PCDHGA8: variants seen among roughly 807,000 people sequenced by gnomAD.
PCDHGA8 encodes the protein protocadherin gamma-A8.
A neutral mutation model predicts 59.2 loss-of-function variants in PCDHGA8; 45 were observed. The ratio of observed to expected loss-of-function variants is 0.76; its 90% CI spans 0.60 to 0.98. The LOEUF is 0.98. Among genes scored for constraint, PCDHGA8 ranks in the 50% least tolerant of loss-of-function variants. PCDHGA8 has a pLI of 0.00. For missense variants in PCDHGA8, 1,257 were observed against 1,196.2 expected (o/e 1.05, Z -0.75); for synonymous variants, 531 against 519.0 (o/e 1.02, Z -0.32).
chr5:141,405,090 C>A, intron 1 of PCDHGA8: 1 of 1,613,950 alleles, frequency 6.2e-7, no homozygotes, highest in Non-Finnish European at 8.5e-7. Flanking sequence ...ACGCTGCTGG[C>A]CCTCAGGCTG....
Position 141,393,283 on chromosome 5 carries a change from C to T in PCDHGA8, c.470C>T (p.Ala157Val), listed in dbSNP as rs2150516449. 1 of 1,613,988 alleles carries T rather than the reference C, an allele frequency of 6.2e-7. No individual in the cohort carries two copies. The highest frequency in any genetic ancestry group is 1.6e-4 in the Middle Eastern group (1 of 6,062). ...GGAGCACGTTATCCACTCCCAGAAGCTGTTGACCCGGATGTGGGCGTGAAC... is the reference window on the plus strand; with the variant it reads ...GGAGCACGTTATCCACTCCCAGAAGTTGTTGACCCGGATGTGGGCGTGAAC... ...VPGARYPLPE[A>V]VDPDVGVNSL... is the part of the protein sequence containing the mutation. The change falls in exon 1 of 4, where the codon GCT (alanine) becomes GTT (valine). Residue 157 changes from alanine to valine, a missense_variant. Physicochemically the swap from Ala to Val is moderately conservative, Grantham distance 64 (BLOSUM62 0). Transcript: ENST00000398604.
intron 1 of PCDHGA8, chr5:141,475,820 C>G (rs890721743): frequency 1.1e-5 from 4 of 351,810 alleles, no homozygotes; most frequent in Non-Finnish European, 1.5e-5. Context: ...AAGTTCCTGG[C>G]GCTAGCGCGT....
intron 1 of PCDHGA8, chr5:141,423,625 A>G (rs375112361): frequency 1.6e-5 from 25 of 1,606,754 alleles, no homozygotes; most frequent in Admixed American, 6.8e-5. Flanking sequence ...AGACTCAGCT[A>G]TCATTTTAGG....
rs575250872 is a variant in PCDHGA8, at chr5:141,490,163, T to C, written c.2425-4644T>C. ...GGGGCAATCCATGTGTTGGGTCCCA[T>C]AGACTTTGAGGAGTCACGTTTCTAT... On this transcript the variant is annotated intron_variant, in intron 1 of 3. Transcript: ENST00000398604. This position sits in a 1 kb window ranked among gnomAD's most constrained non-coding sequence, Gnocchi z 5.4. 2 of 1,614,234 alleles carry C rather than the reference T, an allele frequency of 1.2e-6. No homozygotes were observed. The highest frequency in any genetic ancestry group is 2.2e-5 in the East Asian group (1 of 44,886).
intron 1 of PCDHGA8, among the ~76,000 whole-genome samples, chr5:141,482,410 T>G (rs1054330181): frequency 2.3e-4 from 35 of 151,890 alleles, no homozygotes; most frequent in Non-Finnish European, 1.0e-4. Flanking sequence ...AATAACTATT[T>G]GTTGAACTAA....
At chr5:141,457,933 TATTGGC>T (rs2098933012) in intron 1 of PCDHGA8, among the ~76,000 whole-genome samples, 2 of 152,206 alleles carry the variant, frequency 1.3e-5, no homozygotes, top group Non-Finnish European at 2.9e-5. Context: ...AAGGGGCTTT[TATTGGC>T]TCTGCATGTC....
In PCDHGA8 at chr5:141,428,146, C is replaced by G. The variant is rs549173211; in HGVS notation, c.2424+32909C>G. The G allele has an allele frequency of 1.3e-5, 21 of 1,589,348 alleles. No individual in the cohort carries two copies. The East Asian group carries it at 4.0e-4, about 30-fold the overall frequency. Reference sequence around the variant, plus strand: ...GGGCTTTTCAGCCTGGGGCTGCACACGGGAACCTGCTGGTTGCTGTGCGTG... The same window carrying G: ...GGGCTTTTCAGCCTGGGGCTGCACAGGGGAACCTGCTGGTTGCTGTGCGTG... On this transcript the variant is annotated intron_variant, in intron 1 of 3. Transcript: ENST00000398604.
intron 1 of PCDHGA8, chr5:141,421,975 G>T: frequency 6.2e-7 from 1 of 1,610,052 alleles, no homozygotes; most frequent in African/African-American, 1.3e-5. Context: ...CGTATATCGC[G>T]TGAGTGTTCC....
intron 1 of PCDHGA8, chr5:141,440,921 G>C (rs1213425379): frequency 6.6e-6 from 1 of 152,260 alleles, no homozygotes; most frequent in Non-Finnish European, 1.5e-5. Context: ...TGTGCTGAGA[G>C]TGAGGGCCAC....
At position 141,392,676 on chromosome 5, in the gene PCDHGA8, C is replaced by T; in HGVS notation, c.-138C>T. The stretch of plus-strand genomic sequence containing the variant: ...CAGATGCCACAAACTAACTGCTGGA[C>T]TGCAGCGAAACCCGACCCCTGTTTG... On this transcript the variant is annotated 5_prime_UTR_variant, in exon 1 of 4. Coordinates refer to ENST00000398604, the MANE Select transcript of PCDHGA8 (RefSeq NM_032088.2). 1 of 917,280 alleles carries T rather than the reference C, an allele frequency of 1.1e-6. No homozygotes were observed. Among genetic ancestry groups the T allele is most frequent in the East Asian group, 2.7e-5 (1 of 36,582 alleles). 56.8% of individuals were successfully genotyped at this position (917,280 alleles called of 1,614,324 possible).
chr5:141,449,588 CAA>C (rs768743917), intron 1 of PCDHGA8, among the ~76,000 whole-genome samples: 5 of 57,502 alleles, frequency 8.7e-5, no homozygotes, highest in Admixed American at 1.8e-4. Flanking sequence ...GACTCTGTCT[CAA>C]AAAAAAAAAA....
At position 141,427,625 on chromosome 5, in the gene PCDHGA8, T is replaced by G. The variant is rs150347956; in HGVS notation, c.2424+32388T>G. On this transcript the variant is annotated intron_variant, in intron 1 of 3. Coordinates refer to ENST00000398604, the MANE Select transcript of PCDHGA8 (RefSeq NM_032088.2). Reference sequence around the variant, plus strand: ...GCATTGGTGAAGTCAACGACAATGCTCCGGTTTTCCACCAAGTCTCCTACG... The same window carrying G: ...GCATTGGTGAAGTCAACGACAATGCGCCGGTTTTCCACCAAGTCTCCTACG... The G allele has an allele frequency of 2.7e-3, 1,907 of 699,068 alleles. 5 individuals are homozygous for G. The highest frequency in any genetic ancestry group is 4.1e-3 in the Non-Finnish European group (1,558 of 384,098). The allele number at this position is 699,068 out of a possible 1,614,324, so 43.3% of individuals were successfully genotyped here.
At chr5:141,417,955 G>C in intron 1 of PCDHGA8, 2 of 1,613,634 alleles carry the variant, frequency 1.2e-6, no homozygotes, top group Middle Eastern at 1.7e-4. Flanking sequence ...TGTGTGAGCC[G>C]ATCCGCTACT....
chr5:141,418,085 A>C lies in PCDHGA8; in HGVS notation c.2424+22848A>C, dbSNP rs1235378254. On this transcript the variant is annotated intron_variant, in intron 1 of 3. Transcript: ENST00000398604. The stretch of plus-strand genomic sequence containing the variant: ...AGTGAGCGCGGAGAAGCTGCACTTC[A>C]GCGTAGACGCGCAGAGCGGGGACTT... The C allele has an allele frequency of 2.5e-6, 4 of 1,613,936 alleles. No homozygotes were observed. The highest frequency in any genetic ancestry group is 3.4e-6 in the Non-Finnish European group (4 of 1,179,908).
intron 1 of PCDHGA8, chr5:141,478,131 A>G (rs747801474): frequency 6.2e-7 from 1 of 1,614,064 alleles, no homozygotes; most frequent in Non-Finnish European, 8.5e-7. Flanking sequence ...GACTCTCCTG[A>G]AGCCCGAGCC....
intron 1 of PCDHGA8, chr5:141,430,857 A>C (rs748992376): frequency 1.9e-6 from 3 of 1,591,316 alleles, no homozygotes; most frequent in Non-Finnish European, 2.6e-6. Flanking sequence ...CAGATACGCT[A>C]TTCAGTTCCG....
intron 1 of PCDHGA8, among the ~76,000 whole-genome samples, chr5:141,401,455 A>G (rs1589438348): frequency 6.6e-6 from 1 of 152,256 alleles, no homozygotes; most frequent in East Asian, 1.9e-4. Flanking sequence ...AATCATCCAA[A>G]TAATTTTCTA....
intron 1 of PCDHGA8, chr5:141,442,062 G>A (rs1001398926): frequency 7.0e-5 from 13 of 185,900 alleles, no homozygotes; most frequent in Admixed American, 1.3e-4. Context: ...GGTGCACTGC[G>A]GTGGACAGCC....
chr5:141,477,536 G>T lies in PCDHGA8; in HGVS notation c.2425-17271G>T. 1.2e-6 allele frequency: 2 copies of T among 1,614,076 alleles called. No homozygotes were observed. Among genetic ancestry groups the T allele is most frequent in the Non-Finnish European group, 1.7e-6 (2 of 1,180,018 alleles). ...CATTGAAGAAAACAACCTCCCCGGG[G>T]CTCCAATACTAAACCTAAGTGTCTG... On this transcript the variant is annotated intron_variant, in intron 1 of 3. Coordinates refer to ENST00000398604, the MANE Select transcript of PCDHGA8 (RefSeq NM_032088.2). The surrounding 1 kb of genome is among the most constrained non-coding windows in gnomAD (Gnocchi z 4.9).
Sources: gnomAD v4.1 joint callset for allele counts (sites outside exome capture counted in the v4.1 genomes callset) on GRCh38, gnomAD v4.1.1 for gene constraint, Gnocchi (gnomAD v3.1) non-coding constraint, MANE v1.5 for transcripts, NCBI Gene and HGNC (gene_info 2026-07-23, HGNC 2026-07-21) for gene names.